Variants in TLE1 observed in about 807,000 individuals in gnomAD.
TLE1 encodes transducin-like enhancer protein 1.
Under a neutral mutation model 89.8 loss-of-function variants are expected in TLE1, and 21 were observed. That is an observed-to-expected ratio of 0.23 (90% CI 0.17 to 0.34). The LOEUF is 0.34. TLE1 is among the 10% of genes least tolerant of loss of function. The pLI, the probability that TLE1 is intolerant of heterozygous loss-of-function variation, is 1.00. For synonymous variants in TLE1, 447 were observed against 407.6 expected (o/e 1.10, Z -1.16); for missense variants, 795 against 1,031.2 (o/e 0.77, Z 3.14).
At chr9:81,648,979 T>A (rs542028282) in intron 6 of TLE1, among the ~76,000 whole-genome samples, 8 of 152,332 alleles carry the variant, frequency 5.3e-5, no homozygotes, top group African/African-American at 1.9e-4. Flanking sequence ...ACCTTTGCAC[T>A]ATAAATTATC....
At chr9:81,634,477 G>T (rs572533701) in intron 6 of TLE1, among the ~76,000 whole-genome samples, 176 bp from the exon 7 acceptor site, 1 of 144,076 alleles carries the variant, frequency 6.9e-6, no homozygotes, top group Admixed American at 7.2e-5. Flanking sequence ...GGAGGAAAGG[G>T]GAAAAAATGC....
chr9:81,613,581 T>A, intron 11 of TLE1, 60 bp from the exon 12 acceptor site: 3 of 1,584,690 alleles, frequency 1.9e-6, no homozygotes, highest in Non-Finnish European at 2.6e-6. Context: ...ATTACACAAT[T>A]TATCACAACA....
intron 4 of TLE1, among the ~76,000 whole-genome samples, chr9:81,677,240 C>G (rs907459380): frequency 7.1e-6 from 1 of 141,726 alleles, no homozygotes; most frequent in South Asian, 2.3e-4. Flanking sequence ...TCGTCTTCCC[C>G]CCCCCAAAAA....
intron 11 of TLE1, among the ~76,000 whole-genome samples, chr9:81,614,393 C>T (rs1473882516): frequency 6.6e-6 from 1 of 152,140 alleles, no homozygotes; most frequent in African/African-American, 2.4e-5. Flanking sequence ...GTGGACCCAC[C>T]AGTGCAGATC....
intron 14 of TLE1, among the ~76,000 whole-genome samples, chr9:81,604,686 G>C (rs945832006): frequency 2.0e-5 from 3 of 152,136 alleles, no homozygotes; most frequent in Admixed American, 6.5e-5. Context: ...CCATGGATGA[G>C]CATTTATACT....
intron 7 of TLE1, chr9:81,633,841 C>A: frequency 2.0e-6 from 1 of 489,472 alleles, no homozygotes. Flanking sequence ...GTACAGGCCA[C>A]TGGCATTAAC....
At chr9:81,653,231 G>A (rs1307716913) in intron 5 of TLE1, among the ~76,000 whole-genome samples, 1 of 152,182 alleles carries the variant, frequency 6.6e-6, no homozygotes, top group Non-Finnish European at 1.5e-5. Context: ...GTGCCAACCA[G>A]GATACCCAGT....
chr9:81,649,912 A>C (rs1375191094), intron 6 of TLE1, among the ~76,000 whole-genome samples: 1 of 152,220 alleles, frequency 6.6e-6, no homozygotes, highest in Non-Finnish European at 1.5e-5. Flanking sequence ...CATGAAACTT[A>C]AGGTGTGGGA....
chr9:81,613,292 C>A (rs1823954695), intron 12 of TLE1, 85 bp downstream of exon 12: 2 of 1,540,464 alleles, frequency 1.3e-6, no homozygotes, highest in South Asian at 1.2e-5. Flanking sequence ...ATTTGTAGGG[C>A]AATTGCGTCA....
At chr9:81,660,162 T>G (rs1830588948) in intron 4 of TLE1, among the ~76,000 whole-genome samples, 1 of 152,124 alleles carries the variant, frequency 6.6e-6, no homozygotes, top group Admixed American at 6.6e-5. Flanking sequence ...TACTAAATAC[T>G]GTGACACATT....
At chr9:81,650,651 G>A (rs1305877947) in intron 6 of TLE1, among the ~76,000 whole-genome samples, 2 of 152,022 alleles carry the variant, frequency 1.3e-5, no homozygotes, top group African/African-American at 4.8e-5. Context: ...ATGTAATTGT[G>A]TTTTTTGTTG....
At chr9:81,660,286 G>A (rs1428083661) in intron 4 of TLE1, among the ~76,000 whole-genome samples, 2 of 149,786 alleles carry the variant, frequency 1.3e-5, no homozygotes, top group Non-Finnish European at 3.0e-5. Flanking sequence ...AAATTCAATG[G>A]CCAAGGTGCA....
intron 6 of TLE1, among the ~76,000 whole-genome samples, chr9:81,642,798 T>TG (rs1340550749): frequency 6.6e-6 from 1 of 152,190 alleles, no homozygotes; most frequent in Non-Finnish European, 1.5e-5. Context: ...TGCAGTGCTA[T>TG]TCACGAGAGC....
chr9:81,653,024 C>A (rs1829748697), intron 5 of TLE1, among the ~76,000 whole-genome samples: 1 of 151,986 alleles, frequency 6.6e-6, no homozygotes, highest in African/African-American at 2.4e-5. Flanking sequence ...ACTCCACCCA[C>A]AAATAAAAAC....
intron 6 of TLE1, among the ~76,000 whole-genome samples, chr9:81,635,704 ATGCC>A (rs1827277251): frequency 6.6e-6 from 1 of 152,168 alleles, no homozygotes; most frequent in Non-Finnish European, 1.5e-5. Flanking sequence ...TTAAATCTTC[ATGCC>A]AGATCTTCAG....
chr9:81,655,360 CA>C (rs1830035569), intron 4 of TLE1, among the ~76,000 whole-genome samples: 1 of 151,600 alleles, frequency 6.6e-6, no homozygotes, highest in Non-Finnish European at 1.5e-5. Flanking sequence ...GACTCCACCT[CA>C]AAAAATAAAA....
At chr9:81,589,037 G>A (rs1829047794) in intron 16 of TLE1, among the ~76,000 whole-genome samples, 1 of 152,086 alleles carries the variant, frequency 6.6e-6, no homozygotes. Flanking sequence ...TGCACTTTAG[G>A]ATCCAGGTTG....
chr9:81,594,831 G>T lies in TLE1; in HGVS notation c.1332-1557C>A, dbSNP rs960440737. Among the ~76,000 whole-genome samples, 7 of 152,204 alleles carry T rather than the reference G, an allele frequency of 4.6e-5. No individual in the cohort carries two copies. In the South Asian group the frequency reaches 1.5e-3, roughly 32 times the overall value. On this transcript the variant is annotated intron_variant, in intron 14 of 19. Coordinates refer to ENST00000376499, the MANE Select transcript of TLE1 (RefSeq NM_005077.5). ...CTTAGCAAGCACAAAACTGAAAACC[G>T]ATTATGCCAGGTCTCTAGCACCCTG...
At chr9:81,685,972 T>G in intron 2 of TLE1, 76 bp from the exon 3 acceptor site, 1 of 1,533,314 alleles carries the variant, frequency 6.5e-7, no homozygotes, top group Non-Finnish European at 9.0e-7. Context: ...TATTTGCACT[T>G]CAAGTAAAAA....
Sources: gnomAD v4.1 joint callset for allele counts (sites outside exome capture counted in the v4.1 genomes callset) on GRCh38, gnomAD v4.1.1 for gene constraint, MANE v1.5 for transcripts, NCBI Gene and HGNC (gene_info 2026-07-23, HGNC 2026-07-21) for gene names.